PREX2: variants seen among roughly 807,000 people sequenced by gnomAD.
The protein encoded by PREX2 is phosphatidylinositol-3,4,5-trisphosphate dependent Rac exchange factor 2.
A neutral mutation model predicts 203.2 loss-of-function variants in PREX2; 107 were observed. The ratio of observed to expected loss-of-function variants is 0.53; its 90% CI spans 0.45 to 0.62. The LOEUF (loss-of-function observed/expected upper bound fraction) is 0.62, where lower values mean the gene tolerates loss of function less well. Ranked by LOEUF, PREX2 falls within the 20% of genes least tolerant of loss-of-function variation. The probability of loss-of-function intolerance (pLI) is 0.00; values close to 1 mark genes in which losing one functional copy is unlikely to be tolerated. For synonymous variants in PREX2, 672 were observed against 663.6 expected, an observed-to-expected ratio of 1.01 and a Z score of -0.19; for missense variants, 1,777 against 1,955.9, an observed-to-expected ratio of 0.91 and a Z score of 1.72.
intron 1 of PREX2, among the ~76,000 whole-genome samples, chr8:68,000,021 CAAAAGCTGGAAGCA>C (rs1806893283): frequency 6.6e-6 from 1 of 152,128 alleles, no homozygotes; most frequent in South Asian, 2.1e-4. Context: ...ACTGAATGGG[CAAAAGCTGGAAGCA>C]TTTGCCTTGA....
intron 1 of PREX2, among the ~76,000 whole-genome samples, chr8:67,960,426 C>T (rs1305828583): frequency 6.6e-6 from 1 of 152,106 alleles, no homozygotes; most frequent in Admixed American, 6.5e-5. Context: ...GAGCTTGGCA[C>T]GTGCTCAGAC....
intron 18 of PREX2, among the ~76,000 whole-genome samples, chr8:68,083,679 A>G (rs1342834109): frequency 3.3e-5 from 5 of 152,332 alleles, no homozygotes; most frequent in Middle Eastern, 3.4e-3. Flanking sequence ...GAAGAAAACT[A>G]GTAGAACATT....
chr8:68,195,287 A>G (rs1812372959), intron 37 of PREX2, among the ~76,000 whole-genome samples: 1 of 152,246 alleles, frequency 6.6e-6, no homozygotes, highest in Non-Finnish European at 1.5e-5. Context: ...GGACATTGAC[A>G]TTTTAAAATA....
chr8:68,079,072 C>T (rs536244495), intron 15 of PREX2, among the ~76,000 whole-genome samples: 1 of 152,280 alleles, frequency 6.6e-6, no homozygotes, highest in African/African-American at 2.4e-5. Context: ...GTAATCCCAG[C>T]ACTTCGAGAG....
chr8:67,989,995 T>C (rs1048230867), intron 1 of PREX2, among the ~76,000 whole-genome samples: 1 of 150,110 alleles, frequency 6.7e-6, no homozygotes, highest in African/African-American at 2.4e-5. Flanking sequence ...GGAGTGAATC[T>C]TTTTTTTTTC....
intron 1 of PREX2, among the ~76,000 whole-genome samples, chr8:67,978,391 G>C (rs958080371): frequency 6.6e-6 from 1 of 152,040 alleles, no homozygotes; most frequent in African/African-American, 2.4e-5. Context: ...CATCTCCAAG[G>C]GTAGCAACCA....
chr8:68,086,626 A>G (rs1048715137), intron 18 of PREX2, among the ~76,000 whole-genome samples: 3 of 152,030 alleles, frequency 2.0e-5, no homozygotes, highest in East Asian at 1.9e-4. Context: ...TCTGCTTTTC[A>G]TTGTTGCTAT....
At chr8:67,994,905 C>T (rs1806719451) in intron 1 of PREX2, among the ~76,000 whole-genome samples, 1 of 152,148 alleles carries the variant, frequency 6.6e-6, no homozygotes, top group African/African-American at 2.4e-5. Context: ...TCCTATAAGA[C>T]ATTTTATGCT....
chr8:68,184,509 T>C (rs1812149519), intron 35 of PREX2, among the ~76,000 whole-genome samples: 1 of 152,178 alleles, frequency 6.6e-6, no homozygotes, highest in Non-Finnish European at 1.5e-5. Context: ...TAATACCGTT[T>C]AGAATATTTT....
chr8:68,149,858 A>G (rs1811400119), intron 34 of PREX2, among the ~76,000 whole-genome samples: 1 of 152,224 alleles, frequency 6.6e-6, no homozygotes, highest in South Asian at 2.1e-4. Flanking sequence ...TGTGTGGATT[A>G]TGAAACGCTG....
chr8:68,189,104 T>C (rs61314319), intron 35 of PREX2, among the ~76,000 whole-genome samples: 49,864 of 152,028 alleles, frequency 0.33, 8,377 homozygotes, highest in Admixed American at 0.37. Flanking sequence ...ATTTAAAAGG[T>C]GAAGCAAAAG....
At chr8:68,151,230 G>A (rs894013577) in intron 34 of PREX2, among the ~76,000 whole-genome samples, 1 of 151,934 alleles carries the variant, frequency 6.6e-6, no homozygotes, top group African/African-American at 2.4e-5. Context: ...AGACCAGCCT[G>A]GGCAACATAG....
chr8:68,220,014 TTATGA>T (rs1384300902), intron 38 of PREX2, among the ~76,000 whole-genome samples: 2 of 152,060 alleles, frequency 1.3e-5, no homozygotes, highest in African/African-American at 2.4e-5. Flanking sequence ...CGAATTTGTA[TTATGA>T]TATATTAGAG....
intron 39 of PREX2, among the ~76,000 whole-genome samples, chr8:68,227,682 C>T (rs989790208): frequency 2.0e-5 from 3 of 152,048 alleles, no homozygotes; most frequent in Non-Finnish European, 2.9e-5. Flanking sequence ...GCAGAGGAAG[C>T]GGGGCTACAG....
intron 8 of PREX2, among the ~76,000 whole-genome samples, chr8:68,047,235 T>C: frequency 6.6e-6 from 1 of 151,906 alleles, no homozygotes; most frequent in Non-Finnish European, 1.5e-5. Flanking sequence ...TCTTCATTTC[T>C]TTTTGATGAG....
intron 1 of PREX2, among the ~76,000 whole-genome samples, chr8:68,016,128 C>T (rs1180954348): frequency 6.6e-6 from 1 of 152,146 alleles, no homozygotes; most frequent in African/African-American, 2.4e-5. Flanking sequence ...TAAGTTATAA[C>T]ATGCTTATAG....
At chr8:68,109,658 A>G in intron 25 of PREX2, 35 bp downstream of exon 25, 1 of 1,547,112 alleles carries the variant, frequency 6.5e-7, no homozygotes, top group Non-Finnish European at 8.9e-7. Context: ...AAGTTTGCCA[A>G]ATAAAATAGC....
intron 10 of PREX2, among the ~76,000 whole-genome samples, chr8:68,059,450 C>T (rs1808779682): frequency 6.6e-6 from 1 of 152,146 alleles, no homozygotes; most frequent in Non-Finnish European, 1.5e-5. Flanking sequence ...GTAGACAGTT[C>T]TGATGGATGG....
chr8:68,105,681 T>TATATATA (rs57440333), intron 23 of PREX2: 2 of 255,008 alleles, frequency 7.8e-6, no homozygotes, highest in Non-Finnish European at 5.9e-6. Flanking sequence ...TATATATGGA[T>TATATATA]TATATATATA....
Sources: allele counts gnomAD v4.1 joint callset (sites outside exome capture counted in the v4.1 genomes callset), GRCh38; gene constraint gnomAD v4.1.1; transcripts MANE v1.5; gene names NCBI Gene and HGNC (gene_info 2026-07-23, HGNC 2026-07-21).